Variants in DNAH11 observed in about 807,000 individuals in gnomAD.
DNAH11 encodes axonemal beta dynein heavy chain 11.
DNAH11 carries 442 observed loss-of-function variants against 526.0 expected under a neutral mutation model. That is an observed-to-expected ratio of 0.84 (90% CI 0.78 to 0.91). DNAH11 has a LOEUF of 0.91. Ranked by LOEUF, DNAH11 falls within the 40% of genes least tolerant of loss-of-function variation. DNAH11 has a pLI of 0.00. For missense variants in DNAH11, 6,989 were observed against 5,448.7 expected (o/e 1.28, Z -8.90); for synonymous variants, 2,461 against 1,935.9 (o/e 1.27, Z -7.12).
intron 63 of DNAH11, among the ~76,000 whole-genome samples, chr7:21,809,867 G>C (rs1789433445): frequency 6.6e-6 from 1 of 152,018 alleles, no homozygotes; most frequent in Non-Finnish European, 1.5e-5. Context: ...CACCTGGCCT[G>C]ATTTGATTTT....
intron 2 of DNAH11, among the ~76,000 whole-genome samples, chr7:21,555,788 G>A (rs77676960): frequency 5.3e-5 from 8 of 152,114 alleles, no homozygotes; most frequent in East Asian, 1.9e-4. Flanking sequence ...GATCCAGGAC[G>A]CCTGGATAGA....
intron 14 of DNAH11, among the ~76,000 whole-genome samples, chr7:21,598,517 G>T (rs1232467179): frequency 6.6e-6 from 1 of 152,066 alleles, no homozygotes; most frequent in Non-Finnish European, 1.5e-5. Context: ...AGGGAGCTTA[G>T]AACTTCCCTA....
intron 30 of DNAH11, among the ~76,000 whole-genome samples, chr7:21,666,275 A>G (rs556449877): frequency 2.4e-4 from 36 of 152,236 alleles, no homozygotes; most frequent in African/African-American, 8.4e-4. Flanking sequence ...GTCTTTGAAA[A>G]AAGTGGCAAG....
intron 65 of DNAH11, among the ~76,000 whole-genome samples, chr7:21,826,499 C>T (rs897730876): frequency 6.6e-6 from 1 of 151,988 alleles, no homozygotes; most frequent in African/African-American, 2.4e-5. Flanking sequence ...ATAACAAGAA[C>T]AGAAAATTTT....
intron 8 of DNAH11, among the ~76,000 whole-genome samples, chr7:21,575,320 C>T (rs34987758): frequency 0.051 from 7,800 of 152,214 alleles, 667 homozygotes; most frequent in African/African-American, 0.17. Flanking sequence ...GCTGTGTCTG[C>T]TTTTCTGCTG....
chr7:21,789,852 C>CTTTCTTTCTTTCTTTCTTTCTT (rs1562547367), intron 61 of DNAH11, among the ~76,000 whole-genome samples: 1 of 92,936 alleles, frequency 1.1e-5, no homozygotes, highest in African/African-American at 3.7e-5. Context: ...TTCTTTCTTT[C>CTTTCTTTCTTTCTTTCTTTCTT]TCTCTCCTTC....
Position 21,615,205 on chromosome 7 carries a change from A to C in DNAH11, c.3944A>C (p.Gln1315Pro). The change falls in exon 21 of 82, where the codon CAA becomes CCA. Residue 1315 changes from glutamine to proline, a missense_variant. Coordinates refer to ENST00000409508, the MANE Select transcript of DNAH11 (RefSeq NM_001277115.2). ...GAAGTGGCTCTTCCAGAGTACAAAC[A>C]AATGAAACAGTGTCGCAAAGAAATA... is the stretch of plus-strand genomic sequence containing the variant. ...LFEVALPEYK[Q>P]MKQCRKEIKL... 1 of 1,613,572 alleles carries C rather than the reference A, an allele frequency of 6.2e-7. No individual in the cohort carries two copies. Among genetic ancestry groups the C allele is most frequent in the South Asian group, 1.1e-5 (1 of 91,002 alleles).
At chr7:21,869,163 G>A (rs1011814155) in intron 73 of DNAH11, among the ~76,000 whole-genome samples, 172 bp downstream of exon 73, 6 of 152,146 alleles carry the variant, frequency 3.9e-5, no homozygotes, top group South Asian at 4.2e-4. Flanking sequence ...GGGGCTCTGC[G>A]GACAGCGATG....
intron 75 of DNAH11, among the ~76,000 whole-genome samples, chr7:21,881,840 C>G (rs562308844): frequency 7.2e-5 from 11 of 152,150 alleles, no homozygotes; most frequent in African/African-American, 2.4e-4. Context: ...GGCATATTTT[C>G]CCAAGGAACA....
intron 28 of DNAH11, among the ~76,000 whole-genome samples, chr7:21,651,631 C>T (rs1781775675): frequency 6.6e-6 from 1 of 152,198 alleles, no homozygotes. Flanking sequence ...TTTCAGTTTA[C>T]TTACAATTAG....
intron 65 of DNAH11, among the ~76,000 whole-genome samples, chr7:21,820,256 C>G (rs771360557): frequency 6.6e-6 from 1 of 152,158 alleles, no homozygotes; most frequent in African/African-American, 2.4e-5. Flanking sequence ...AAGACACAGA[C>G]CCTGCACTTG....
intron 46 of DNAH11, among the ~76,000 whole-genome samples, chr7:21,738,089 G>A (rs564590390): frequency 2.6e-5 from 4 of 152,210 alleles, no homozygotes; most frequent in South Asian, 2.1e-4. Flanking sequence ...CAAGTAATCA[G>A]ATACTACATC....
chr7:21,828,107 C>A (rs901236584), intron 65 of DNAH11, among the ~76,000 whole-genome samples: 1 of 152,126 alleles, frequency 6.6e-6, no homozygotes, highest in Non-Finnish European at 1.5e-5. Context: ...CGCCACCATG[C>A]GCGGCTAATT....
intron 65 of DNAH11, among the ~76,000 whole-genome samples, chr7:21,824,571 A>G (rs1790195097): frequency 2.6e-5 from 4 of 152,350 alleles, no homozygotes; most frequent in Non-Finnish European, 5.9e-5. Flanking sequence ...ACATTTCTCC[A>G]AAGAACTACA....
chr7:21,733,830 G>A (rs143194138), intron 45 of DNAH11, among the ~76,000 whole-genome samples: 5 of 152,146 alleles, frequency 3.3e-5, no homozygotes, highest in East Asian at 1.9e-4. Flanking sequence ...AGGGACTGTC[G>A]CTAGCCTTTT....
At chr7:21,611,416 G>C (rs1034834779) in intron 20 of DNAH11, among the ~76,000 whole-genome samples, 1 of 152,082 alleles carries the variant, frequency 6.6e-6, no homozygotes, top group African/African-American at 2.4e-5. Flanking sequence ...ATAGCTTATT[G>C]TGAGACTTCT....
chr7:21,839,114 T>C (rs1782106737), intron 65 of DNAH11, among the ~76,000 whole-genome samples: 1 of 152,190 alleles, frequency 6.6e-6, no homozygotes, highest in African/African-American at 2.4e-5. Flanking sequence ...TCTTTTCATA[T>C]GCTTATTGGT....
intron 2 of DNAH11, among the ~76,000 whole-genome samples, chr7:21,555,469 C>T (rs976436630): frequency 3.9e-5 from 6 of 152,218 alleles, no homozygotes; most frequent in African/African-American, 1.2e-4. Context: ...CCTGTGTACT[C>T]AACCCCCAAC....
chr7:21,670,689 G>C (rs927689119), intron 30 of DNAH11, among the ~76,000 whole-genome samples: 1 of 152,078 alleles, frequency 6.6e-6, no homozygotes, highest in South Asian at 2.1e-4. Flanking sequence ...ATCAGATAGA[G>C]GAAAATCCTT....
Sources: allele counts gnomAD v4.1 joint callset (sites outside exome capture counted in the v4.1 genomes callset), GRCh38; gene constraint gnomAD v4.1.1; transcripts MANE v1.5; gene names NCBI Gene and HGNC (gene_info 2026-07-23, HGNC 2026-07-21).